Variants in GRM4 observed in about 807,000 individuals in gnomAD.
GRM4 encodes the protein metabotropic glutamate receptor 4.
A neutral mutation model predicts 81.7 loss-of-function variants in GRM4; 28 were observed. The observed-to-expected ratio is 0.34, with a 90% confidence interval of 0.25 to 0.47. GRM4 has a LOEUF of 0.47. Ranked by LOEUF, GRM4 falls within the 20% of genes least tolerant of loss-of-function variation. The pLI, the probability that GRM4 is intolerant of heterozygous loss-of-function variation, is 1.00. For missense variants in GRM4, 948 were observed against 1,290.0 expected (o/e 0.73, Z 4.06); for synonymous variants, 488 against 528.8 (o/e 0.92, Z 1.06).
chr6:34,025,878 T>C (rs1764107875), intron 10 of GRM4, among the ~76,000 whole-genome samples: 1 of 152,044 alleles, frequency 6.6e-6, no homozygotes, highest in South Asian at 2.1e-4. Flanking sequence ...TCCTGCAAAA[T>C]GCTGGGCAGA....
At chr6:34,056,994 C>T (rs1048520051) in intron 5 of GRM4, among the ~76,000 whole-genome samples, 1 of 152,156 alleles carries the variant, frequency 6.6e-6, no homozygotes, top group Non-Finnish European at 1.5e-5. Flanking sequence ...TGAGAAGGAG[C>T]CGCCTGGGAG....
chr6:34,088,508 G>T (rs1280470892), intron 3 of GRM4, among the ~76,000 whole-genome samples: 1 of 152,138 alleles, frequency 6.6e-6, no homozygotes, highest in Non-Finnish European at 1.5e-5. Context: ...TCCCAAGACC[G>T]CACAGCCAAT....
chr6:34,116,155 G>A (rs566029451), intron 2 of GRM4, among the ~76,000 whole-genome samples: 7 of 152,158 alleles, frequency 4.6e-5, no homozygotes, highest in Non-Finnish European at 1.0e-4. Context: ...CAAAGTGGGC[G>A]AGCTGAAAAA....
At chr6:34,112,643 T>A (rs1769433041) in intron 2 of GRM4, among the ~76,000 whole-genome samples, 1 of 152,054 alleles carries the variant, frequency 6.6e-6, no homozygotes. Context: ...GGAAACCCTA[T>A]CCTGGCCCCA....
At position 34,048,132 on chromosome 6, in the gene GRM4, C is replaced by T. The variant is rs114301827; in HGVS notation, c.1169-7384G>A. Among the ~76,000 whole-genome samples, 4 of 152,128 alleles carry T rather than the reference C, an allele frequency of 2.6e-5. No individual in the cohort carries two copies. The highest frequency in any genetic ancestry group is 2.1e-4 in the South Asian group (1 of 4,828). ...TCCTCACGGCACTCCTGTGTCCCTG[C>T]GAATCTGGCCTCAAGAATGTGTCCT... On this transcript the variant is annotated intron_variant, in intron 6 of 10. Transcript: ENST00000538487. This position sits in a 1 kb window ranked among gnomAD's most constrained non-coding sequence, Gnocchi z 4.0.
rs1286293046 is a variant in GRM4, at chr6:34,059,928, A to G, written c.873-800T>C. 1 of 152,246 alleles carries G rather than the reference A, an allele frequency of 6.6e-6. No homozygotes were observed. Among genetic ancestry groups the G allele is most frequent in the African/African-American group, 2.4e-5 (1 of 41,468 alleles). 9.4% of individuals were successfully genotyped at this position (152,246 alleles called of 1,614,324 possible). On this transcript the variant is annotated intron_variant, in intron 4 of 10. Coordinates refer to ENST00000538487, the MANE Select transcript of GRM4 (RefSeq NM_000841.4). This position sits in a 1 kb window ranked among gnomAD's most constrained non-coding sequence, Gnocchi z 5.7. ...GAATTCCCCTAACCCAGCTCCCACAAAAAGAGACTGAGGTAGGGAGGAGGC... is the reference window on the plus strand; with the variant it reads ...GAATTCCCCTAACCCAGCTCCCACAGAAAGAGACTGAGGTAGGGAGGAGGC...
rs1768085321 is a variant in GRM4, at chr6:34,089,478, G to A, written c.736+2405C>T. ...GAGACCTAGCTGCCTGAACTGCCCT[G>A]GCCAGGCCCCCGTAGGATGTTGCAC... On this transcript the variant is annotated intron_variant, in intron 3 of 10. Coordinates refer to ENST00000538487, the MANE Select transcript of GRM4 (RefSeq NM_000841.4). This position sits in a 1 kb window ranked among gnomAD's most constrained non-coding sequence, Gnocchi z 4.3. 6.6e-6 allele frequency among the ~76,000 whole-genome samples: 1 copy of A among 151,978 alleles called. No individual in the cohort carries two copies. The highest frequency in any genetic ancestry group is 6.6e-5 in the Admixed American group (1 of 15,244).
chr6:34,091,606 C>G, intron 3 of GRM4: 1 of 480,216 alleles, frequency 2.1e-6, no homozygotes, highest in South Asian at 2.9e-5. Flanking sequence ...GGAGAGCGGC[C>G]GCCCCGCAGG....
At chr6:34,116,877 G>T (rs867731813) in intron 2 of GRM4, among the ~76,000 whole-genome samples, 1 of 152,158 alleles carries the variant, frequency 6.6e-6, no homozygotes, top group South Asian at 2.1e-4. Context: ...AACCCCAGGG[G>T]GTTCTCACAG....
chr6:34,141,660 G>T (rs6928542), intron 1 of GRM4, among the ~76,000 whole-genome samples: 5,419 of 150,414 alleles, frequency 0.036, 207 homozygotes, highest in African/African-American at 0.096. Context: ...GACTGGAACA[G>T]TCTCTCGGGC....
Position 34,092,200 on chromosome 6 carries a change from CT to C in GRM4, c.520-102del. ...CCAACCTCCCTTTGGTCCCCACAGC[CT>C]TGGGACCACCACAGCCCACCCCTCC... is the stretch of plus-strand genomic sequence containing the variant. On this transcript the variant is annotated intron_variant, in intron 2 of 10. Transcript: ENST00000538487. This position sits in a 1 kb window ranked among gnomAD's most constrained non-coding sequence, Gnocchi z 6.8. The C allele has an allele frequency of 1.4e-6, 1 of 739,514 alleles. No individual in the cohort carries two copies. The highest frequency in any genetic ancestry group is 1.7e-5 in the South Asian group (1 of 57,238). 45.8% of individuals were successfully genotyped at this position (739,514 alleles called of 1,614,324 possible). A position where few individuals can be genotyped will look rare whatever the true frequency, so the allele number is the denominator to read the frequency against.
At chr6:34,056,435 C>G in intron 6 of GRM4, 109 bp downstream of exon 6, 1 of 1,033,300 alleles carries the variant, frequency 9.7e-7, no homozygotes, top group East Asian at 2.6e-5. Context: ...CGTCCTGCCA[C>G]GGCCGGCCGA....
At chr6:34,129,624 T>C (rs1287887862) in intron 2 of GRM4, among the ~76,000 whole-genome samples, 1 of 152,210 alleles carries the variant, frequency 6.6e-6, no homozygotes, top group Non-Finnish European at 1.5e-5. Context: ...TCAGGCCTTC[T>C]GGTCCGCAAC....
chr6:34,126,710 A>G lies in GRM4; in HGVS notation c.519+6268T>C, dbSNP rs1224148026. 3.3e-5 allele frequency among the ~76,000 whole-genome samples: 5 copies of G among 152,252 alleles called. No homozygotes were observed. The East Asian group carries it at 7.7e-4, about 24-fold the overall frequency. On this transcript the variant is annotated intron_variant, in intron 2 of 10. Coordinates refer to ENST00000538487, the MANE Select transcript of GRM4 (RefSeq NM_000841.4). ...AGCTCCCAAGACTTCAGCTCCCAAG[A>G]CCAGCCCAGCTGTTGCTGCAGACAT...
exon 1 of GRM4, chr6:34,155,146 G>A: frequency 6.5e-7 from 1 of 1,535,010 alleles, no homozygotes; most frequent in African/African-American, 1.4e-5. Flanking sequence ...TCCCAGCTGG[G>A]CGGCCGCCCC....
At position 34,047,327 on chromosome 6, in the gene GRM4, T is replaced by C. The variant is rs1448981757; in HGVS notation, c.1169-6579A>G. ...CCACCAACATGCGATGGGCGAGGGA[T>C]GCCCACCGCATAGACAGACCCAGAC... is the stretch of plus-strand genomic sequence containing the variant. On this transcript the variant is annotated intron_variant, in intron 6 of 10. Coordinates refer to ENST00000538487, the MANE Select transcript of GRM4 (RefSeq NM_000841.4). This position sits in a 1 kb window ranked among gnomAD's most constrained non-coding sequence, Gnocchi z 4.5. Among the ~76,000 whole-genome samples, 1 of 152,068 alleles carries C rather than the reference T, an allele frequency of 6.6e-6. No individual in the cohort carries two copies. Among genetic ancestry groups the C allele is most frequent in the Non-Finnish European group, 1.5e-5 (1 of 68,002 alleles).
rs1766353381 is a variant in GRM4, at chr6:34,064,587, T to C, written c.737-2559A>G. ...GCTGCCCCCAGGATGAGAAACCAAG[T>C]GCCCGTGGGTTCCCTCTGTTTCACA... On this transcript the variant is annotated intron_variant, in intron 3 of 10. Transcript: ENST00000538487. This position sits in a 1 kb window ranked among gnomAD's most constrained non-coding sequence, Gnocchi z 4.4. Among the ~76,000 whole-genome samples, 1 of 152,178 alleles carries C rather than the reference T, an allele frequency of 6.6e-6. No individual in the cohort carries two copies. The highest frequency in any genetic ancestry group is 2.1e-4 in the South Asian group (1 of 4,836).
chr6:34,071,180 C>A (rs924912574), intron 3 of GRM4, among the ~76,000 whole-genome samples: 1 of 151,326 alleles, frequency 6.6e-6, no homozygotes, highest in East Asian at 1.9e-4. Flanking sequence ...TTTCAGACAA[C>A]CCCTAGCCAC....
intron 7 of GRM4, 41 bp downstream of exon 7, chr6:34,040,507 A>C: frequency 6.4e-7 from 1 of 1,563,364 alleles, no homozygotes; most frequent in Admixed American, 1.7e-5. Context: ...GGCATGGCCC[A>C]GGATACCCAG....
Sources: allele counts gnomAD v4.1 joint callset (sites outside exome capture counted in the v4.1 genomes callset), GRCh38; gene constraint gnomAD v4.1.1; non-coding constraint Gnocchi (gnomAD v3.1); transcripts MANE v1.5; gene names NCBI Gene and HGNC (gene_info 2026-07-23, HGNC 2026-07-21).